The following CSAD variants were observed in gnomAD, a reference collection of about 807,000 sequenced individuals.
CSAD encodes cysteine sulfinic acid decarboxylase.
CSAD carries 47 observed loss-of-function variants against 61.5 expected under a neutral mutation model. That is an observed-to-expected ratio of 0.76 (90% CI 0.60 to 0.97). The LOEUF (loss-of-function observed/expected upper bound fraction) is 0.97. CSAD is among the 50% of genes least tolerant of loss of function. The probability of loss-of-function intolerance (pLI) is 0.00; values close to 1 mark genes in which losing one functional copy is unlikely to be tolerated. For missense variants in CSAD, 611 were observed against 643.6 expected (o/e 0.95, Z 0.55); for synonymous variants, 245 against 252.7 (o/e 0.97, Z 0.29).
Position 53,180,752 on chromosome 12 carries a change from C to T in CSAD, c.-111G>A, listed in dbSNP as rs1941546248. 4 of 1,266,224 alleles carry T rather than the reference C, an allele frequency of 3.2e-6. No individual in the cohort carries two copies. Among genetic ancestry groups the T allele is most frequent in the East Asian group, 6.3e-5 (1 of 15,832 alleles). The allele number at this position is 1,266,224 out of a possible 1,614,324, so 78.4% of individuals were successfully genotyped here. A position where few individuals can be genotyped will look rare whatever the true frequency, so the allele number is the denominator to read the frequency against. On this transcript the variant is annotated 5_prime_UTR_variant, in exon 1 of 17. Transcript: ENST00000444623. The stretch of plus-strand genomic sequence containing the variant: ...CTTGCCTCGGTCCCGGTGGGGGCAG[C>T]CGCGGCGGTGGGGTTGGCAGGGTGT...
chr12:53,164,704 A>C (rs1939687651), intron 10 of CSAD: 1 of 152,220 alleles, frequency 6.6e-6, no homozygotes, highest in Non-Finnish European at 1.5e-5. Context: ...ACAAACCTGC[A>C]CATGTACTTA....
chr12:53,169,760 G>A (rs753738966), intron 10 of CSAD, among the ~76,000 whole-genome samples: 25 of 151,742 alleles, frequency 1.6e-4, no homozygotes, highest in Non-Finnish European at 3.2e-4. Flanking sequence ...CTCTCCCTGC[G>A]CAGACCCTCA....
At chr12:53,166,595 C>T (rs1052705390) in intron 10 of CSAD, among the ~76,000 whole-genome samples, 4 of 151,208 alleles carry the variant, frequency 2.6e-5, no homozygotes, top group Non-Finnish European at 5.9e-5. Flanking sequence ...GCCAGGAGTT[C>T]GAGACCAGCC....
At chr12:53,159,520 C>T (rs551094369) in intron 16 of CSAD, 103 bp downstream of exon 16, 3 of 913,574 alleles carry the variant, frequency 3.3e-6, no homozygotes, top group Non-Finnish European at 5.2e-6. Flanking sequence ...GAGCAAGAGA[C>T]CAGCAAGGAG....
chr12:53,176,733 T>A (rs191567670), intron 2 of CSAD, among the ~76,000 whole-genome samples: 3,350 of 150,228 alleles, frequency 0.022, 114 homozygotes, highest in African/African-American at 0.076. Context: ...AAAAAAAAAA[T>A]ATTTATTTAT....
intron 10 of CSAD, among the ~76,000 whole-genome samples, chr12:53,168,336 AG>A (rs1186736048): frequency 6.6e-6 from 1 of 152,220 alleles, no homozygotes; most frequent in Non-Finnish European, 1.5e-5. Flanking sequence ...ACCACTAAAT[AG>A]TACCCTTTAA....
rs200612031 is a variant in CSAD, at chr12:53,158,467, C to A, written c.*44G>T. 266 of 1,583,414 alleles carry A rather than the reference C, an allele frequency of 1.7e-4. 3 individuals are homozygous for A. The East Asian group carries it at 5.8e-3, about 34-fold the overall frequency. ...GCTGGGAGGGAATGCAGTGACTCTGCGGGTGAGGGGTGGTATCAAGGCCGG... is the reference window on the plus strand; with the variant it reads ...GCTGGGAGGGAATGCAGTGACTCTGAGGGTGAGGGGTGGTATCAAGGCCGG... On this transcript the variant is annotated 3_prime_UTR_variant, in exon 17 of 17. Transcript: ENST00000444623.
intron 2 of CSAD, 53 bp from the exon 3 acceptor site, chr12:53,173,823 TTAAG>T (rs1832350815): frequency 6.3e-7 from 1 of 1,577,570 alleles, no homozygotes; most frequent in Non-Finnish European, 8.6e-7. Flanking sequence ...AAGTGTACAA[TTAAG>T]TGTTTTTTTC....
At chr12:53,168,139 A>G (rs923511770) in intron 10 of CSAD, among the ~76,000 whole-genome samples, 10 of 152,238 alleles carry the variant, frequency 6.6e-5, no homozygotes, top group African/African-American at 2.2e-4. Context: ...GGCATGCATA[A>G]TATGATTCCA....
At chr12:53,181,081 G>A, upstream of CSAD, 1 of 855,474 alleles carries the variant, frequency 1.2e-6, no homozygotes. Context: ...GCGCGAGCAC[G>A]CATCTCGCGC....
rs773175409 is a variant in CSAD at position 53,171,303 on chromosome 12, T to C, written c.567+23A>G. The stretch of plus-strand genomic sequence containing the variant: ...GGAGATTAGAATCAGGAGCCCAGGG[T>C]TGGGCCTGTGCCTCTTCCCCACCTC... On this transcript the variant is annotated intron_variant, in intron 8 of 16. Coordinates refer to ENST00000444623, the MANE Select transcript of CSAD (RefSeq NM_001244705.2). 9 of 1,613,580 alleles carry C rather than the reference T, an allele frequency of 5.6e-6. No individual in the cohort carries two copies. The African/African-American group carries it at 6.7e-5, about 12-fold the overall frequency.
chr12:53,176,131 T>C (rs1396108793), intron 2 of CSAD, among the ~76,000 whole-genome samples: 2 of 152,150 alleles, frequency 1.3e-5, no homozygotes, highest in African/African-American at 4.8e-5. Context: ...GCGGGCACAG[T>C]GGCTCAAGCC....
At chr12:53,173,515 A>G (rs767128044) in intron 3 of CSAD, 39 bp from the exon 4 acceptor site, 8 of 1,613,686 alleles carry the variant, frequency 5.0e-6, no homozygotes, top group Non-Finnish European at 5.9e-6. Flanking sequence ...CAGCCTGTCA[A>G]CCCTTCCCGG....
In CSAD at chr12:53,160,837, A is replaced by C; in HGVS notation, c.892T>G (p.Ser298Ala). 1 of 1,551,888 alleles carries C rather than the reference A, an allele frequency of 6.4e-7. No individual in the cohort carries two copies. The highest frequency in any genetic ancestry group is 8.7e-7 in the Non-Finnish European group (1 of 1,147,024). ...AGCTTGTGGGGATTCCAGGCCACAG[A>C]GTCAGCCCTGGATGGGGTGGAGCAA... Reference protein sequence around the residue: ...HLLDGIQRADSVAWNPHKLLA... With the variant: ...HLLDGIQRADAVAWNPHKLLA... Residue 298 changes from serine (S) to alanine (A), a missense_variant, in exon 13 of 17, where the codon TCT becomes GCT. Transcript: ENST00000444623.
chr12:53,175,009 TCA>T (rs1940997896), intron 2 of CSAD, among the ~76,000 whole-genome samples: 2 of 152,166 alleles, frequency 1.3e-5, no homozygotes, highest in African/African-American at 4.8e-5. Flanking sequence ...GGGAATGGGT[TCA>T]GTTTGTTCAG....
chr12:53,158,337 T>C lies in CSAD; in HGVS notation c.*174A>G, dbSNP rs1938790924. On this transcript the variant is annotated 3_prime_UTR_variant, in exon 17 of 17. Coordinates refer to ENST00000444623, the MANE Select transcript of CSAD (RefSeq NM_001244705.2). ...TTTTAGTAGAGACAGGGTTTCACCT[T>C]ATTGGCCAGGCTGGTCTCGAACTCC... The C allele has an allele frequency of 7.4e-6, 4 of 537,260 alleles. No homozygotes were observed. Among genetic ancestry groups the C allele is most frequent in the Non-Finnish European group, 6.5e-6 (2 of 307,932 alleles). The allele number at this position is 537,260 out of a possible 1,614,324, so 33.3% of individuals were successfully genotyped here. A position where few individuals can be genotyped will look rare whatever the true frequency, so the allele number is the denominator to read the frequency against.
intron 1 of CSAD, chr12:53,180,193 AG>A: frequency 1.0e-6 from 1 of 985,302 alleles, no homozygotes; most frequent in Non-Finnish European, 1.2e-6. Flanking sequence ...TGCGAAGAAA[AG>A]TTAACGCCTC....
At chr12:53,180,297 C>T in intron 1 of CSAD, 1 of 985,400 alleles carries the variant, frequency 1.0e-6, no homozygotes, top group Non-Finnish European at 1.2e-6. Context: ...AGGCTGGGTA[C>T]GAACTACTCT....
chr12:53,167,051 T>A (rs1940021399), intron 10 of CSAD, among the ~76,000 whole-genome samples: 1 of 152,000 alleles, frequency 6.6e-6, no homozygotes, highest in South Asian at 2.1e-4. Context: ...ATGTTTAGGA[T>A]CCCTCTTTCC....
Sources: allele counts gnomAD v4.1 joint callset (sites outside exome capture counted in the v4.1 genomes callset), GRCh38; gene constraint gnomAD v4.1.1; transcripts MANE v1.5; gene names NCBI Gene and HGNC (gene_info 2026-07-23, HGNC 2026-07-21).